The following UBR1 variants were observed in gnomAD, a reference collection of about 807,000 sequenced individuals.
The protein encoded by UBR1 is ubiquitin protein ligase E3 component n-recognin 1.
In UBR1, 102 loss-of-function variants were observed where a neutral mutation model predicts 242.1. The ratio of observed to expected loss-of-function variants is 0.42; its 90% CI spans 0.36 to 0.50. The LOEUF (loss-of-function observed/expected upper bound fraction) is 0.50. Ranked by LOEUF, UBR1 falls within the 20% of genes least tolerant of loss-of-function variation. The pLI is 0.01. For missense variants in UBR1, 1,772 were observed against 2,101.8 expected (o/e 0.84, Z 3.07); for synonymous variants, 675 against 684.8 (o/e 0.99, Z 0.22).
chr15:42,979,257 T>G (rs1204743360), intron 37 of UBR1, among the ~76,000 whole-genome samples: 1 of 151,374 alleles, frequency 6.6e-6, no homozygotes, highest in East Asian at 1.9e-4. Context: ...TTGACCAGGC[T>G]CGAACTTCTG....
chr15:42,953,590 A>G (rs960099771), intron 44 of UBR1, among the ~76,000 whole-genome samples: 5 of 152,194 alleles, frequency 3.3e-5, no homozygotes, highest in Non-Finnish European at 7.3e-5. Context: ...TAAAGCCAAC[A>G]TCTTCTTTCA....
intron 35 of UBR1, among the ~76,000 whole-genome samples, chr15:42,985,402 G>T (rs1031031524): frequency 1.7e-4 from 26 of 152,060 alleles, no homozygotes; most frequent in African/African-American, 6.0e-4. Context: ...GCCCAAGCTG[G>T]AGTGCAATGG....
intron 19 of UBR1, 83 bp from the exon 20 acceptor site, chr15:43,032,714 T>A (rs947976235): frequency 1.2e-6 from 1 of 822,196 alleles, no homozygotes; most frequent in Non-Finnish European, 2.0e-6. Flanking sequence ...AGACTCATGG[T>A]CCATCCAGCC....
chr15:43,073,220 T>C (rs2033845468), intron 4 of UBR1, among the ~76,000 whole-genome samples: 1 of 152,182 alleles, frequency 6.6e-6, no homozygotes. Flanking sequence ...TTAATGATGA[T>C]GTTAATATTA....
intron 17 of UBR1, among the ~76,000 whole-genome samples, chr15:43,037,159 C>A (rs1161770291): frequency 2.0e-5 from 3 of 151,520 alleles, no homozygotes; most frequent in Non-Finnish European, 4.4e-5. Context: ...ACCAGCCTGG[C>A]CAACATGGTA....
At chr15:42,957,990 A>G in intron 44 of UBR1, 23 bp downstream of exon 44, 4 of 1,576,942 alleles carry the variant, frequency 2.5e-6, no homozygotes, top group South Asian at 1.1e-5. Context: ...AATTACACAC[A>G]TATATATACA....
intron 39 of UBR1, 44 bp downstream of exon 39, chr15:42,976,673 T>A: frequency 6.2e-7 from 1 of 1,610,962 alleles, no homozygotes; most frequent in Non-Finnish European, 8.5e-7. Context: ...CAGTAAAGCA[T>A]GGCAAAATGT....
chr15:42,993,857 A>T (rs1028114709), intron 33 of UBR1, among the ~76,000 whole-genome samples: 1 of 151,830 alleles, frequency 6.6e-6, no homozygotes, highest in Admixed American at 6.6e-5. Flanking sequence ...AAAAGGCTGT[A>T]ATGACCATAT....
At chr15:42,950,452 G>C (rs1001654842) in intron 45 of UBR1, 89 bp from the exon 46 acceptor site, 1 of 1,087,414 alleles carries the variant, frequency 9.2e-7, no homozygotes, top group Non-Finnish European at 1.4e-6. Context: ...GAAAAGACGT[G>C]GCCAATATCT....
At chr15:43,055,753 A>G (rs1375722021) in intron 11 of UBR1, among the ~76,000 whole-genome samples, 4 of 152,054 alleles carry the variant, frequency 2.6e-5, no homozygotes, top group African/African-American at 9.7e-5. Flanking sequence ...CGTCTCTACT[A>G]AAAATACAAA....
intron 12 of UBR1, among the ~76,000 whole-genome samples, chr15:43,049,960 GT>G (rs889243696): frequency 1.5e-4 from 23 of 148,422 alleles, no homozygotes; most frequent in African/African-American, 3.2e-4. Context: ...CCCTGCCCCC[GT>G]TTTTTTTTTA....
chr15:42,950,380 A>G lies in UBR1; in HGVS notation c.5007-17T>C, dbSNP rs1306510148. The G allele has an allele frequency of 3.1e-6, 5 of 1,608,992 alleles. No individual in the cohort carries two copies. The highest frequency in any genetic ancestry group is 1.3e-5 in the African/African-American group (1 of 74,842). On this transcript the variant is annotated splice_polypyrimidine_tract_variant and intron_variant, in intron 45 of 46. Transcript: ENST00000290650. The stretch of plus-strand genomic sequence containing the variant: ...TCTCTGATTCTGAAAGAGAAAATCA[A>G]TAGGAAATATGGTTAAGTGTATGTG...
chr15:43,014,860 C>T (rs1337918605), intron 29 of UBR1, among the ~76,000 whole-genome samples: 7 of 150,414 alleles, frequency 4.7e-5, no homozygotes, highest in South Asian at 2.1e-4. Context: ...CCCGGCCAGC[C>T]GCCCCGTCCC....
intron 1 of UBR1, chr15:43,091,857 G>A (rs2034108995): frequency 3.1e-5 from 10 of 319,620 alleles, no homozygotes; most frequent in South Asian, 9.7e-5. Context: ...ACTTGAACCC[G>A]GGAGGTGGAG....
rs549761575 is a variant in UBR1, at chr15:42,975,731, T to C, written c.4369+986A>G. Among the ~76,000 whole-genome samples the C allele has an allele frequency of 2.0e-5, 3 of 152,162 alleles. No individual in the cohort carries two copies. In the East Asian group the frequency reaches 5.8e-4, roughly 29 times the overall value. ...TTTTAAGAGATGAGATCTTGTTCTG[T>C]TGCCCAGGCTGGAGTGCCATGGCGT... On this transcript the variant is annotated intron_variant, in intron 39 of 46. Transcript: ENST00000290650.
intron 27 of UBR1, among the ~76,000 whole-genome samples, chr15:43,018,436 C>T (rs1004028706): frequency 2.0e-4 from 30 of 152,192 alleles, no homozygotes; most frequent in Admixed American, 2.0e-3. Flanking sequence ...GTCGTCCAGG[C>T]TGGAGTGCAA....
rs138590415 is a variant in UBR1, at chr15:43,061,189, T to C, written c.799-1075A>G. Among the ~76,000 whole-genome samples, 22 of 152,260 alleles carry C rather than the reference T, an allele frequency of 1.4e-4. No homozygotes were observed. In the South Asian group the frequency reaches 1.7e-3, roughly 11 times the overall value. On this transcript the variant is annotated intron_variant, in intron 6 of 46. Coordinates refer to ENST00000290650, the MANE Select transcript of UBR1 (RefSeq NM_174916.3). ...ATGGTGGATGGGAGACAGGACTAGA[T>C]TGGAGCTCCGAGCTCTGACTCAGAT...
chr15:42,964,939 C>T (rs928026260), intron 41 of UBR1, among the ~76,000 whole-genome samples: 1 of 152,204 alleles, frequency 6.6e-6, no homozygotes, highest in African/African-American at 2.4e-5. Flanking sequence ...TTCATTCTGC[C>T]TTGCAACATT....
intron 19 of UBR1, among the ~76,000 whole-genome samples, chr15:43,034,835 C>T (rs968113600): frequency 4.7e-5 from 7 of 148,198 alleles, no homozygotes; most frequent in African/African-American, 1.5e-4. Flanking sequence ...TATGGTGAGC[C>T]GAGATCGCGC....
Sources: gnomAD v4.1 joint callset for allele counts (sites outside exome capture counted in the v4.1 genomes callset) on GRCh38, gnomAD v4.1.1 for gene constraint, MANE v1.5 for transcripts, NCBI Gene and HGNC (gene_info 2026-07-23, HGNC 2026-07-21) for gene names.